The following MBNL1 variants were observed in gnomAD, a reference collection of about 807,000 sequenced individuals.
MBNL1 encodes muscleblind like splicing regulator 1, also known as muscleblind-like protein 1.
MBNL1 carries 8 observed loss-of-function variants against 42.2 expected under a neutral mutation model. That is an observed-to-expected ratio of 0.19 (90% CI 0.11 to 0.34). The LOEUF is 0.34. Among genes scored for constraint, MBNL1 ranks in the 10% least tolerant of loss-of-function variants. The probability of loss-of-function intolerance (pLI) is 1.00; values close to 1 mark genes in which losing one functional copy is unlikely to be tolerated. For synonymous variants in MBNL1, 169 were observed against 173.9 expected (o/e 0.97, Z 0.22); for missense variants, 309 against 495.3 (o/e 0.62, Z 3.57).
At chr3:152,259,822 C>T (rs533069708) in intron 2 of MBNL1, among the ~76,000 whole-genome samples, 1 of 152,248 alleles carries the variant, frequency 6.6e-6, no homozygotes, top group African/African-American at 2.4e-5. Context: ...TGAAGACTTT[C>T]AACTATAATG....
chr3:152,394,501 T>TG (rs2097849219), intron 2 of MBNL1, among the ~76,000 whole-genome samples: 1 of 152,224 alleles, frequency 6.6e-6, no homozygotes, highest in South Asian at 2.1e-4. Context: ...TTTCACAGGA[T>TG]GTCTGAATCC....
intron 2 of MBNL1, among the ~76,000 whole-genome samples, chr3:152,379,299 GT>G (rs1414090299): frequency 6.6e-6 from 1 of 152,126 alleles, no homozygotes; most frequent in Admixed American, 6.6e-5. Context: ...TATTATCAGA[GT>G]TTTCTGTCAA....
chr3:152,332,735 T>TGTGC (rs1553840773), intron 2 of MBNL1, among the ~76,000 whole-genome samples: 3 of 119,644 alleles, frequency 2.5e-5, no homozygotes, highest in South Asian at 5.4e-4. Flanking sequence ...TGTGTGTGTG[T>TGTGC]GTGTGCGCGC....
At chr3:152,295,736 G>A (rs1275438694) in intron 1 of MBNL1, among the ~76,000 whole-genome samples, 1 of 152,168 alleles carries the variant, frequency 6.6e-6, no homozygotes, top group Non-Finnish European at 1.5e-5. Context: ...TAAACAAGGA[G>A]AAGGAATTTG....
chr3:152,366,465 CA>C (rs1466323397), intron 2 of MBNL1, among the ~76,000 whole-genome samples: 3 of 152,290 alleles, frequency 2.0e-5, no homozygotes, highest in Non-Finnish European at 2.9e-5. Context: ...ATACCCTCAG[CA>C]CTTAATAAGC....
At chr3:152,300,434 T>A (rs17368446) in intron 2 of MBNL1, 67 bp downstream of exon 2, 35 of 1,283,416 alleles carry the variant, frequency 2.7e-5, no homozygotes, top group Admixed American at 7.1e-5. Flanking sequence ...GACATACAGT[T>A]CTCTGCATAT....
intron 2 of MBNL1, among the ~76,000 whole-genome samples, chr3:152,388,781 A>G (rs1579292812): frequency 6.6e-6 from 1 of 152,218 alleles, no homozygotes; most frequent in Non-Finnish European, 1.5e-5. Flanking sequence ...ATCTGGCAGC[A>G]CATCTGGTAG....
intron 2 of MBNL1, among the ~76,000 whole-genome samples, chr3:152,349,758 CTG>C (rs149879214): frequency 6.6e-6 from 1 of 150,826 alleles, no homozygotes; most frequent in African/African-American, 2.4e-5. Context: ...AGTAAATTGT[CTG>C]TGTGTGTGTG....
At chr3:152,285,941 T>A (rs74893264) in intron 1 of MBNL1, among the ~76,000 whole-genome samples, 1 of 151,106 alleles carries the variant, frequency 6.6e-6, no homozygotes, top group Non-Finnish European at 1.5e-5. Context: ...TTTTTTTTTT[T>A]AATTAAAGAA....
At chr3:152,268,772 G>A (rs1048618464), upstream of MBNL1, 7 of 453,196 alleles carry the variant, frequency 1.5e-5, no homozygotes, top group African/African-American at 4.0e-5. Flanking sequence ...GGGCGCCGGC[G>A]GAAAGTTGAA....
chr3:152,269,182 G>A (rs984222958), intron 1 of MBNL1, 90 bp downstream of exon 1: 1 of 394,424 alleles, frequency 2.5e-6, no homozygotes, highest in African/African-American at 2.1e-5. Flanking sequence ...AGTGCGAGGA[G>A]GTGCTCGCCG....
chr3:152,425,481 A>T (rs935457240), intron 3 of MBNL1, among the ~76,000 whole-genome samples: 1 of 152,052 alleles, frequency 6.6e-6, no homozygotes, highest in Non-Finnish European at 1.5e-5. Context: ...GGTGGCACAC[A>T]CGTGTAGTCC....
At chr3:152,313,318 C>T (rs892305439) in intron 2 of MBNL1, among the ~76,000 whole-genome samples, 11 of 152,080 alleles carry the variant, frequency 7.2e-5, no homozygotes, top group African/African-American at 2.2e-4. Context: ...CCACCGCGCC[C>T]GGCCAACATT....
In MBNL1 at chr3:152,460,620, AAAC is replaced by A. The variant is rs1743952727; in HGVS notation, c.*18+1278_*18+1280del. Among the ~76,000 whole-genome samples, 2 of 151,978 alleles carry A rather than the reference AAAC, an allele frequency of 1.3e-5. 1 individual carries two copies. The highest frequency in any genetic ancestry group is 2.9e-5 in the Non-Finnish European group (2 of 67,978). On this transcript the variant is annotated intron_variant, in intron 9 of 9. Coordinates refer to ENST00000324210, the MANE Select transcript of MBNL1 (RefSeq NM_021038.5). The stretch of plus-strand genomic sequence containing the variant: ...CCTAAAACTTAAAGTATAAAAAAAA[AAAC>A]AAAAAAAAAAACCACTGTCTTAAAT...
intron 3 of MBNL1, among the ~76,000 whole-genome samples, chr3:152,432,432 T>G (rs1022487326): frequency 7.9e-5 from 12 of 152,168 alleles, no homozygotes; most frequent in African/African-American, 2.6e-4. Flanking sequence ...TTTATCTATT[T>G]TTCAAAAAAA....
At chr3:152,292,685 G>A (rs1243329672) in intron 1 of MBNL1, among the ~76,000 whole-genome samples, 1 of 151,618 alleles carries the variant, frequency 6.6e-6, no homozygotes, top group Non-Finnish European at 1.5e-5. Flanking sequence ...TCTCCTTCAT[G>A]ATTTTCATTT....
At chr3:152,427,264 T>C (rs2098945009) in intron 3 of MBNL1, among the ~76,000 whole-genome samples, 1 of 152,224 alleles carries the variant, frequency 6.6e-6, no homozygotes, top group Non-Finnish European at 1.5e-5. Flanking sequence ...ATGTTTGTTA[T>C]TTCAGTCAAA....
At chr3:152,309,254 G>A (rs931156366) in intron 2 of MBNL1, among the ~76,000 whole-genome samples, 8 of 152,160 alleles carry the variant, frequency 5.3e-5, no homozygotes, top group African/African-American at 1.9e-4. Context: ...ACCAGACTGT[G>A]GCAGCTGTCC....
chr3:152,292,312 T>C (rs1372728499), intron 1 of MBNL1, among the ~76,000 whole-genome samples: 1 of 152,254 alleles, frequency 6.6e-6, no homozygotes. Context: ...GTCCTAAATA[T>C]GAATACTTAA....
Sources: gnomAD v4.1 joint callset for allele counts (sites outside exome capture counted in the v4.1 genomes callset) on GRCh38, gnomAD v4.1.1 for gene constraint, MANE v1.5 for transcripts, NCBI Gene and HGNC (gene_info 2026-07-23, HGNC 2026-07-21) for gene names.